Variants in CYTH3 observed in about 807,000 individuals in gnomAD.
CYTH3 encodes the protein cytohesin 3.
CYTH3 carries 23 observed loss-of-function variants against 55.1 expected under a neutral mutation model. The ratio of observed to expected loss-of-function variants is 0.42; its 90% CI spans 0.30 to 0.59. The LOEUF is 0.59. CYTH3 is among the 20% of genes least tolerant of loss of function. The pLI is 0.20. For missense variants in CYTH3, 413 were observed against 524.8 expected (o/e 0.79, Z 2.08); for synonymous variants, 249 against 194.9 (o/e 1.28, Z -2.31).
intron 4 of CYTH3, among the ~76,000 whole-genome samples, chr7:6,179,793 A>ACAC (rs1783450872): frequency 8.0e-6 from 1 of 125,704 alleles, no homozygotes; most frequent in Admixed American, 8.3e-5. Context: ...CCTACCACAC[A>ACAC]CACCCACCAC....
chr7:6,251,512 C>T (rs1000458327), intron 1 of CYTH3, among the ~76,000 whole-genome samples: 5 of 151,908 alleles, frequency 3.3e-5, no homozygotes, highest in African/African-American at 4.8e-5. Context: ...TTCAAAATAC[C>T]GTTCATGGCG....
intron 1 of CYTH3, among the ~76,000 whole-genome samples, chr7:6,246,874 AT>A (rs1193477676): frequency 2.6e-5 from 4 of 152,206 alleles, no homozygotes; most frequent in Non-Finnish European, 5.9e-5. Context: ...CATGATTTCA[AT>A]TCAATGTCAG....
chr7:6,222,611 G>C (rs1467589609), intron 1 of CYTH3, among the ~76,000 whole-genome samples: 7 of 151,992 alleles, frequency 4.6e-5, no homozygotes, highest in East Asian at 1.9e-4. Context: ...GCCGGGCGTG[G>C]TGGCGGGCAC....
chr7:6,226,028 A>C (rs1481550987), intron 1 of CYTH3, among the ~76,000 whole-genome samples: 1 of 152,196 alleles, frequency 6.6e-6, no homozygotes, highest in East Asian at 1.9e-4. Context: ...TTGTCTTTAA[A>C]CAAAGAGAAC....
intron 1 of CYTH3, among the ~76,000 whole-genome samples, chr7:6,193,955 C>T (rs1432778547): frequency 4.6e-5 from 7 of 152,156 alleles, no homozygotes; most frequent in Admixed American, 1.3e-4. Context: ...CTGGGACAAG[C>T]GTCTTCTCTG....
chr7:6,255,996 CT>C (rs1208974723), intron 1 of CYTH3, among the ~76,000 whole-genome samples: 1 of 152,050 alleles, frequency 6.6e-6, no homozygotes, highest in Non-Finnish European at 1.5e-5. Flanking sequence ...ATCTCCTGAC[CT>C]CGTGATCCAC....
At chr7:6,194,737 G>A (rs910235769) in intron 1 of CYTH3, among the ~76,000 whole-genome samples, 2 of 152,186 alleles carry the variant, frequency 1.3e-5, no homozygotes, top group Non-Finnish European at 2.9e-5. Context: ...AGCACTTTGG[G>A]AGGCCAAGGC....
chr7:6,232,376 C>A (rs1328564342), intron 1 of CYTH3, among the ~76,000 whole-genome samples: 2 of 152,158 alleles, frequency 1.3e-5, no homozygotes, highest in African/African-American at 2.4e-5. Flanking sequence ...ACTCCCACTT[C>A]CTATTCTCCA....
chr7:6,228,852 T>C (rs1301943299), intron 1 of CYTH3, among the ~76,000 whole-genome samples: 1 of 152,218 alleles, frequency 6.6e-6, no homozygotes, highest in East Asian at 1.9e-4. Context: ...ATTCCTCTGG[T>C]GGGAAAAATA....
rs139139252 is a variant in CYTH3, at chr7:6,232,593, G to C, written c.34+39881C>G. Reference sequence around the variant, plus strand: ...GCTCAGACCAAAAAGAGTGTGACAAGAAACAGACAATTTGGAAATCATTTT... The same window carrying C: ...GCTCAGACCAAAAAGAGTGTGACAACAAACAGACAATTTGGAAATCATTTT... On this transcript the variant is annotated intron_variant, in intron 1 of 12. Transcript: ENST00000350796. Among the ~76,000 whole-genome samples, 948 of 152,254 alleles carry C rather than the reference G, an allele frequency of 6.2e-3. 8 individuals carry two copies. The highest frequency in any genetic ancestry group is 0.022 in the African/African-American group (899 of 41,538).
At chr7:6,259,754 A>AT (rs1358239564) in intron 1 of CYTH3, among the ~76,000 whole-genome samples, 10 of 11,630 alleles carry the variant, frequency 8.6e-4, no homozygotes, top group East Asian at 1.3e-3. Context: ...ATATATATAT[A>AT]TATTATATAT....
chr7:6,254,145 C>A (rs1020267596), intron 1 of CYTH3, among the ~76,000 whole-genome samples: 1 of 152,104 alleles, frequency 6.6e-6, no homozygotes, highest in African/African-American at 2.4e-5. Flanking sequence ...GATCGCACCA[C>A]TGCACTCCAG....
At chr7:6,174,667 C>T (rs1005113917) in intron 5 of CYTH3, among the ~76,000 whole-genome samples, 2 of 151,438 alleles carry the variant, frequency 1.3e-5, no homozygotes, top group African/African-American at 4.9e-5. Context: ...CCTGTCTCAG[C>T]CTCCCGAGTA....
chr7:6,215,805 A>G (rs1784412827), intron 1 of CYTH3, among the ~76,000 whole-genome samples: 1 of 152,176 alleles, frequency 6.6e-6, no homozygotes, highest in African/African-American at 2.4e-5. Context: ...CCAACCAGGG[A>G]AAATAACACC....
Position 6,164,587 on chromosome 7 carries a change from G to C in CYTH3, c.*357C>G, listed in dbSNP as rs1782930382. 3.2e-6 allele frequency: 1 copy of C among 308,838 alleles called. No individual in the cohort carries two copies. Among genetic ancestry groups the C allele is most frequent in the Non-Finnish European group, 6.1e-6 (1 of 163,426 alleles). 19.1% of individuals were successfully genotyped at this position (308,838 alleles called of 1,614,324 possible). A position where few individuals can be genotyped will look rare whatever the true frequency, so the allele number is the denominator to read the frequency against. ...GAATCCGTCCCGTGTCTGCTGTGGAGACAGCGGAAGCTGCTGTCCTGGCTT... is the reference window on the plus strand; with the variant it reads ...GAATCCGTCCCGTGTCTGCTGTGGACACAGCGGAAGCTGCTGTCCTGGCTT... On this transcript the variant is annotated 3_prime_UTR_variant, in exon 13 of 13. Transcript: ENST00000350796.
chr7:6,162,213 C>A lies in CYTH3; in HGVS notation c.*2731G>T, dbSNP rs143478805. On this transcript the variant is annotated 3_prime_UTR_variant, in exon 13 of 13. Coordinates refer to ENST00000350796, the MANE Select transcript of CYTH3 (RefSeq NM_004227.4). ...AAAATGTTCTGTGACCCCAAAGACA[C>A]AAAGTTGCTGCTTATCTGGGTCCAG... 1.9e-3 allele frequency: 294 copies of A among 152,568 alleles called. No homozygotes were observed. Among genetic ancestry groups the A allele is most frequent in the African/African-American group, 6.7e-3 (279 of 41,578 alleles). 9.5% of individuals were successfully genotyped at this position (152,568 alleles called of 1,614,324 possible).
At chr7:6,184,357 G>GC (rs1783585847) in intron 4 of CYTH3, among the ~76,000 whole-genome samples, 1 of 150,526 alleles carries the variant, frequency 6.6e-6, no homozygotes, top group Admixed American at 6.6e-5. Context: ...ACCGCGCCTG[G>GC]CCCCCTCTGT....
chr7:6,179,919 A>C (rs61097042), intron 4 of CYTH3, among the ~76,000 whole-genome samples: 3 of 135,218 alleles, frequency 2.2e-5, no homozygotes, highest in African/African-American at 5.7e-5. Context: ...CACACACACA[A>C]ACCACACACA....
intron 1 of CYTH3, among the ~76,000 whole-genome samples, chr7:6,225,422 C>T (rs967180837): frequency 6.6e-6 from 1 of 150,480 alleles, no homozygotes; most frequent in East Asian, 1.9e-4. Flanking sequence ...GGCACGATCT[C>T]GGCTCACCAC....
Sources: gnomAD v4.1 joint callset for allele counts (sites outside exome capture counted in the v4.1 genomes callset) on GRCh38, gnomAD v4.1.1 for gene constraint, MANE v1.5 for transcripts, NCBI Gene and HGNC (gene_info 2026-07-23, HGNC 2026-07-21) for gene names.